CACNA2D1: variants seen among roughly 807,000 people sequenced by gnomAD.
CACNA2D1 encodes the protein calcium voltage-gated channel auxiliary subunit alpha2delta 1, also known as voltage-dependent calcium channel subunit alpha-2/delta-1.
CACNA2D1 carries 53 observed loss-of-function variants against 171.5 expected under a neutral mutation model. The observed-to-expected ratio is 0.31, with a 90% CI of 0.25 to 0.39. The LOEUF (loss-of-function observed/expected upper bound fraction) is 0.39, where lower values mean the gene tolerates loss of function less well. Ranked by LOEUF, CACNA2D1 falls within the 10% of genes least tolerant of loss-of-function variation. The pLI is 1.00. For missense variants in CACNA2D1, 903 were observed against 1,299.8 expected (o/e 0.69, Z 4.69); for synonymous variants, 442 against 443.1 (o/e 1.00, Z 0.03).
At chr7:82,434,815 T>C (rs903362814) in intron 1 of CACNA2D1, among the ~76,000 whole-genome samples, 1 of 152,148 alleles carries the variant, frequency 6.6e-6, no homozygotes, top group Non-Finnish European at 1.5e-5. Flanking sequence ...CTACTTAGAC[T>C]TCTTTCTTTC....
At chr7:82,356,289 A>T (rs1025251441) in intron 1 of CACNA2D1, among the ~76,000 whole-genome samples, 1 of 152,146 alleles carries the variant, frequency 6.6e-6, no homozygotes, top group South Asian at 2.1e-4. Flanking sequence ...TTTTAATCCA[A>T]CCAACCTCAC....
intron 10 of CACNA2D1, among the ~76,000 whole-genome samples, chr7:82,053,732 T>C (rs1805490815): frequency 6.6e-6 from 1 of 152,158 alleles, no homozygotes; most frequent in Admixed American, 6.5e-5. Flanking sequence ...TTGTGCGTGT[T>C]TCAATATTAC....
intron 1 of CACNA2D1, among the ~76,000 whole-genome samples, chr7:82,392,852 CTA>C: frequency 6.6e-6 from 1 of 151,862 alleles, no homozygotes; most frequent in Admixed American, 6.6e-5. Context: ...TTGAGTGCCT[CTA>C]TAAGGCATTG....
chr7:82,335,545 C>G (rs1206086418), intron 2 of CACNA2D1, among the ~76,000 whole-genome samples: 1 of 152,090 alleles, frequency 6.6e-6, no homozygotes, highest in Non-Finnish European at 1.5e-5. Flanking sequence ...AATCTCGAAA[C>G]TGGGTATTAT....
At chr7:82,141,056 T>G (rs1026317133) in intron 4 of CACNA2D1, among the ~76,000 whole-genome samples, 1 of 152,060 alleles carries the variant, frequency 6.6e-6, no homozygotes, top group African/African-American at 2.4e-5. Context: ...AACTATAATT[T>G]TGAGAAAAAT....
intron 3 of CACNA2D1, among the ~76,000 whole-genome samples, chr7:82,305,337 T>C (rs1813584808): frequency 6.6e-6 from 1 of 152,202 alleles, no homozygotes; most frequent in African/African-American, 2.4e-5. Flanking sequence ...CTTTGACATA[T>C]TTTGATATGG....
intron 3 of CACNA2D1, among the ~76,000 whole-genome samples, chr7:82,248,724 A>G (rs1032173759): frequency 2.6e-5 from 4 of 152,162 alleles, no homozygotes; most frequent in Non-Finnish European, 5.9e-5. Context: ...AAATCCTGCT[A>G]TAGTACCATT....
chr7:82,439,479 A>C (rs1349580073), intron 1 of CACNA2D1, among the ~76,000 whole-genome samples: 3 of 151,820 alleles, frequency 2.0e-5, no homozygotes, highest in Non-Finnish European at 4.4e-5. Flanking sequence ...TTATATTCAA[A>C]TTTTATGTAT....
At chr7:82,286,105 T>C (rs1810732405) in intron 3 of CACNA2D1, among the ~76,000 whole-genome samples, 1 of 152,188 alleles carries the variant, frequency 6.6e-6, no homozygotes, top group Non-Finnish European at 1.5e-5. Flanking sequence ...CTCCTTTTTT[T>C]CCTTCTCTCC....
chr7:82,142,800 G>A (rs1792548654), intron 4 of CACNA2D1, among the ~76,000 whole-genome samples: 1 of 152,166 alleles, frequency 6.6e-6, no homozygotes, highest in Middle Eastern at 3.4e-3. Context: ...GTTAAACATT[G>A]TAGATACTCT....
chr7:82,443,876 G>A, upstream of CACNA2D1: 1 of 396,294 alleles, frequency 2.5e-6, no homozygotes, highest in Non-Finnish European at 4.4e-6. Flanking sequence ...CTGGAGGGTG[G>A]GGGTGGCTGC....
At chr7:82,195,317 G>A (rs1798738525) in intron 3 of CACNA2D1, among the ~76,000 whole-genome samples, 1 of 151,848 alleles carries the variant, frequency 6.6e-6, no homozygotes, top group Non-Finnish European at 1.5e-5. Flanking sequence ...ATGTAAAATG[G>A]GGTGGGATAT....
At chr7:82,306,511 T>C (rs1813752664) in intron 3 of CACNA2D1, among the ~76,000 whole-genome samples, 1 of 152,334 alleles carries the variant, frequency 6.6e-6, no homozygotes. Context: ...CAATTGCACA[T>C]GGACTATCCA....
chr7:82,375,991 G>C (rs1189306042), intron 1 of CACNA2D1, among the ~76,000 whole-genome samples: 6 of 152,198 alleles, frequency 3.9e-5, no homozygotes, highest in Admixed American at 1.3e-4. Context: ...ATAGAAAATA[G>C]GTGTTCCAAA....
chr7:82,184,232 G>A (rs1463114589), intron 3 of CACNA2D1, among the ~76,000 whole-genome samples: 1 of 143,692 alleles, frequency 7.0e-6, no homozygotes, highest in Non-Finnish European at 1.5e-5. Flanking sequence ...CTGTGGCAAA[G>A]AGTGTACTAT....
intron 1 of CACNA2D1, among the ~76,000 whole-genome samples, chr7:82,381,339 GT>G (rs1221022255): frequency 6.7e-6 from 1 of 148,196 alleles, no homozygotes; most frequent in Non-Finnish European, 1.5e-5. Context: ...AAAAAAATAC[GT>G]CCTTGACAGC....
intron 10 of CACNA2D1, among the ~76,000 whole-genome samples, chr7:82,047,765 T>C (rs1392947940): frequency 2.0e-5 from 3 of 152,042 alleles, no homozygotes; most frequent in African/African-American, 7.2e-5. Context: ...AATACAGAGA[T>C]ATAGAAAATA....
chr7:81,960,460 C>G (rs904987800), intron 36 of CACNA2D1, among the ~76,000 whole-genome samples: 1 of 152,062 alleles, frequency 6.6e-6, no homozygotes, highest in Non-Finnish European at 1.5e-5. Flanking sequence ...CTGGGCAACA[C>G]AGACATGGAC....
chr7:82,103,370 G>A (rs369766134), intron 6 of CACNA2D1, among the ~76,000 whole-genome samples: 1 of 152,238 alleles, frequency 6.6e-6, no homozygotes, highest in East Asian at 1.9e-4. Context: ...TGTTCTAAAT[G>A]AAGCAAAAGG....
Sources: allele counts gnomAD v4.1 joint callset (sites outside exome capture counted in the v4.1 genomes callset), GRCh38; gene constraint gnomAD v4.1.1; transcripts MANE v1.5; gene names NCBI Gene and HGNC (gene_info 2026-07-23, HGNC 2026-07-21).